ZRANB3: variants seen among roughly 807,000 people sequenced by gnomAD.
The protein encoded by ZRANB3 is zinc finger RANBP2-type containing 3.
Under a neutral mutation model 133.8 loss-of-function variants are expected in ZRANB3, and 125 were observed. The ratio of observed to expected loss-of-function variants is 0.93; its 90% CI spans 0.81 to 1.08. The LOEUF is 1.08. ZRANB3 is among the 50% of genes least tolerant of loss of function. The pLI, the probability that ZRANB3 is intolerant of heterozygous loss-of-function variation, is 0.00. For synonymous variants in ZRANB3, 387 were observed against 432.7 expected (o/e 0.89, Z 1.31); for missense variants, 1,229 against 1,275.5 (o/e 0.96, Z 0.56).
chr2:135,411,866 ATATACC>A (rs770004931), intron 2 of ZRANB3, among the ~76,000 whole-genome samples: 4 of 152,150 alleles, frequency 2.6e-5, no homozygotes, highest in Non-Finnish European at 5.9e-5. Context: ...CCATTACGCA[ATATACC>A]TATGTACCAA....
At chr2:135,206,749 G>A (rs542873023) in intron 19 of ZRANB3, among the ~76,000 whole-genome samples, 1 of 150,690 alleles carries the variant, frequency 6.6e-6, no homozygotes, top group African/African-American at 2.4e-5. Context: ...GAAGAGGGAG[G>A]GGGGAACAGG....
At chr2:135,426,933 TCAC>T (rs1356363504) in intron 2 of ZRANB3, among the ~76,000 whole-genome samples, 1 of 106,178 alleles carries the variant, frequency 9.4e-6, no homozygotes, top group Non-Finnish European at 1.8e-5. Flanking sequence ...TAAATATGAT[TCAC>T]CACATCAACG....
intron 12 of ZRANB3, among the ~76,000 whole-genome samples, chr2:135,238,030 ATTTC>A (rs1191900530): frequency 6.6e-6 from 1 of 152,210 alleles, no homozygotes; most frequent in South Asian, 2.1e-4. Flanking sequence ...AAGAAATGTT[ATTTC>A]TTTTGTTTAA....
At chr2:135,355,483 T>A (rs1685391321) in intron 3 of ZRANB3, among the ~76,000 whole-genome samples, 1 of 151,688 alleles carries the variant, frequency 6.6e-6, no homozygotes, top group Admixed American at 6.6e-5. Flanking sequence ...TGCCTCAGCC[T>A]CTGGAGTAGC....
chr2:135,319,996 C>CT (rs2104832631), intron 6 of ZRANB3, among the ~76,000 whole-genome samples: 1 of 152,166 alleles, frequency 6.6e-6, no homozygotes, highest in East Asian at 1.9e-4. Flanking sequence ...AAACTCCCTC[C>CT]TAGGGTCTTG....
chr2:135,397,747 T>G (rs1438136028), intron 2 of ZRANB3, among the ~76,000 whole-genome samples: 2 of 152,216 alleles, frequency 1.3e-5, no homozygotes, highest in Non-Finnish European at 2.9e-5. Flanking sequence ...ATGCCTGCTT[T>G]CTGCTACACT....
intron 8 of ZRANB3, among the ~76,000 whole-genome samples, chr2:135,277,054 G>T (rs1680859542): frequency 1.3e-5 from 2 of 152,116 alleles, no homozygotes; most frequent in Admixed American, 6.5e-5. Flanking sequence ...TTGGATGGAG[G>T]AATCCTATAT....
chr2:135,350,347 C>G, intron 4 of ZRANB3, 132 bp from the exon 5 acceptor site: 1 of 580,644 alleles, frequency 1.7e-6, no homozygotes, highest in East Asian at 2.9e-5. Context: ...GATGGTACTA[C>G]TACTGAAACT....
chr2:135,493,106 T>C (rs1374643993), intron 2 of ZRANB3, among the ~76,000 whole-genome samples: 1 of 198 alleles, frequency 5.1e-3, no homozygotes, highest in African/African-American at 0.017. Flanking sequence ...CAAATATATA[T>C]ATATATATAT....
chr2:135,265,007 C>T lies in ZRANB3; in HGVS notation c.1539+527G>A, dbSNP rs1169752505. Among the ~76,000 whole-genome samples, 5 of 152,238 alleles carry T rather than the reference C, an allele frequency of 3.3e-5. No homozygotes were observed. In the South Asian group the frequency reaches 1.0e-3, roughly 32 times the overall value. On this transcript the variant is annotated intron_variant, in intron 12 of 20. Coordinates refer to ENST00000264159, the MANE Select transcript of ZRANB3 (RefSeq NM_032143.4). ...CAGGTGATCCGCCTGCCTCAGCCCC[C>T]CAAAGTGCTGCAATTACAGGTGTGA...
chr2:135,245,292 T>C (rs982121116), intron 12 of ZRANB3, among the ~76,000 whole-genome samples: 1 of 152,182 alleles, frequency 6.6e-6, no homozygotes, highest in African/African-American at 2.4e-5. Context: ...TTTCTGATTG[T>C]AGCCTCTGGG....
At chr2:135,488,060 C>A (rs1219071148) in intron 2 of ZRANB3, among the ~76,000 whole-genome samples, 2 of 152,042 alleles carry the variant, frequency 1.3e-5, no homozygotes, top group Non-Finnish European at 2.9e-5. Context: ...ACTTACAGCC[C>A]ACTGTAGGGT....
intron 12 of ZRANB3, among the ~76,000 whole-genome samples, chr2:135,234,432 C>A (rs1337377071): frequency 6.6e-6 from 1 of 152,180 alleles, no homozygotes; most frequent in African/African-American, 2.4e-5. Flanking sequence ...CCCAGCTCTG[C>A]ACCAAGCAGA....
At chr2:135,505,153 T>A (rs996624511) in intron 1 of ZRANB3, among the ~76,000 whole-genome samples, 1 of 152,166 alleles carries the variant, frequency 6.6e-6, no homozygotes, top group Non-Finnish European at 1.5e-5. Context: ...ATGTCATATA[T>A]CTGTAAATTC....
chr2:135,362,679 G>A (rs1385679082), intron 3 of ZRANB3, among the ~76,000 whole-genome samples: 1 of 152,002 alleles, frequency 6.6e-6, no homozygotes. Context: ...TCCTAGACAT[G>A]GGTCTCTCTA....
At chr2:135,499,181 C>T (rs1431700024) in intron 2 of ZRANB3, among the ~76,000 whole-genome samples, 1 of 152,148 alleles carries the variant, frequency 6.6e-6, no homozygotes, top group Non-Finnish European at 1.5e-5. Context: ...CTCTTTTGTA[C>T]TCTTTCCCTT....
chr2:135,256,444 T>A (rs904351686), intron 12 of ZRANB3, among the ~76,000 whole-genome samples: 2 of 152,188 alleles, frequency 1.3e-5, no homozygotes, highest in Non-Finnish European at 2.9e-5. Context: ...TTCTCCTGTC[T>A]CAGCCTCCCG....
chr2:135,434,110 C>T (rs2104985113), intron 2 of ZRANB3, among the ~76,000 whole-genome samples: 1 of 152,024 alleles, frequency 6.6e-6, no homozygotes, highest in Non-Finnish European at 1.5e-5. Context: ...TGCAGTGAGC[C>T]AAGATCATGC....
intron 3 of ZRANB3, among the ~76,000 whole-genome samples, chr2:135,379,309 C>T (rs1686579826): frequency 6.6e-6 from 1 of 152,114 alleles, no homozygotes; most frequent in East Asian, 1.9e-4. Flanking sequence ...ACTTTTAATG[C>T]TATCACCTTC....
Sources: gnomAD v4.1 joint callset for allele counts (sites outside exome capture counted in the v4.1 genomes callset) on GRCh38, gnomAD v4.1.1 for gene constraint, MANE v1.5 for transcripts, NCBI Gene and HGNC (gene_info 2026-07-23, HGNC 2026-07-21) for gene names.